KCNK10: variants seen among roughly 807,000 people sequenced by gnomAD.
KCNK10 encodes the protein potassium two pore domain channel subfamily K member 10, also known as potassium channel subfamily K member 10.
In KCNK10, 25 loss-of-function variants were observed where a neutral mutation model predicts 47.7. That is an observed-to-expected ratio of 0.52 (90% CI 0.38 to 0.73). KCNK10 has a LOEUF of 0.73. Among genes scored for constraint, KCNK10 ranks in the 30% least tolerant of loss-of-function variants. The pLI is 0.00. For missense variants in KCNK10, 563 were observed against 714.5 expected (o/e 0.79, Z 2.42); for synonymous variants, 303 against 285.6 (o/e 1.06, Z -0.61).
At chr14:88,244,655 G>A (rs113796787) in intron 2 of KCNK10, among the ~76,000 whole-genome samples, 172 of 152,064 alleles carry the variant, frequency 1.1e-3, no homozygotes, top group Non-Finnish European at 1.7e-3. Flanking sequence ...GCAACAGAGT[G>A]AGACTCTGTC....
chr14:88,256,952 T>A (rs372363195), intron 2 of KCNK10, among the ~76,000 whole-genome samples: 12 of 152,280 alleles, frequency 7.9e-5, no homozygotes, highest in African/African-American at 2.4e-4. Context: ...ACATGATATT[T>A]GCCCAATTCA....
intron 4 of KCNK10, among the ~76,000 whole-genome samples, chr14:88,197,983 G>A (rs887887351): frequency 2.0e-5 from 3 of 152,184 alleles, no homozygotes; most frequent in African/African-American, 7.2e-5. Flanking sequence ...AGGTCTTTGT[G>A]GCACTGTCCA....
At position 88,263,312 on chromosome 14, in the gene KCNK10, A is replaced by C; in HGVS notation, c.292T>G (p.Leu98Val). The C allele has an allele frequency of 3.1e-6, 5 of 1,614,070 alleles. No individual in the cohort carries two copies. The highest frequency in any genetic ancestry group is 4.2e-6 in the Non-Finnish European group (5 of 1,180,030). Residue 98 changes from leucine to valine, a missense_variant, in exon 2 of 7, where the codon TTG (leucine) becomes GTG (valine). Transcript: ENST00000319231. Reference sequence around the variant, plus strand: ...TGGCTGCTCTCAAAGGGCTGCTCCAATGCCCGGAAGACAAGACCGCCAGTG... The same window carrying C: ...TGGCTGCTCTCAAAGGGCTGCTCCACTGCCCGGAAGACAAGACCGCCAGTG... ...LVTGGLVFRA[L>V]EQPFESSQKN...
intron 4 of KCNK10, among the ~76,000 whole-genome samples, chr14:88,213,452 A>C (rs1595084031): frequency 6.6e-6 from 1 of 152,302 alleles, no homozygotes; most frequent in East Asian, 1.9e-4. Flanking sequence ...TGATTTTATA[A>C]TACTAGTAAA....
intron 1 of KCNK10, among the ~76,000 whole-genome samples, chr14:88,279,373 GTGTGTGTGTGTGT>G (rs1887597023): frequency 7.4e-6 from 1 of 135,540 alleles, no homozygotes; most frequent in South Asian, 2.6e-4. Flanking sequence ...ACGTGTGTGT[GTGTGTGTGTGTGT>G]GTGTGTGTGT....
At chr14:88,267,515 C>G (rs1302872273) in intron 1 of KCNK10, among the ~76,000 whole-genome samples, 3 of 151,884 alleles carry the variant, frequency 2.0e-5, no homozygotes, top group Non-Finnish European at 2.9e-5. Context: ...GGACTACAGG[C>G]GTGCACCACC....
At chr14:88,293,289 A>G (rs1159491631) in intron 1 of KCNK10, among the ~76,000 whole-genome samples, 1 of 152,198 alleles carries the variant, frequency 6.6e-6, no homozygotes, top group Non-Finnish European at 1.5e-5. Flanking sequence ...TCTAAATTCC[A>G]GACTCCTGTC....
intron 1 of KCNK10, among the ~76,000 whole-genome samples, chr14:88,267,275 A>G (rs1887286117): frequency 6.6e-6 from 1 of 152,252 alleles, no homozygotes; most frequent in African/African-American, 2.4e-5. Flanking sequence ...TTCACTAAAA[A>G]GGGACTTGGT....
rs375562415 is a variant in KCNK10 at position 88,217,332 on chromosome 14, T to C, written c.681+10043A>G. Among the ~76,000 whole-genome samples the C allele has an allele frequency of 2.3e-4, 35 of 152,314 alleles. No homozygotes were observed. The South Asian group carries it at 7.0e-3, about 31-fold the overall frequency. ...TGATATTGTGTCTTTTCTACACTAC[T>C]GAAAGGCAGCCATTTCTTAAACTAA... On this transcript the variant is annotated intron_variant, in intron 4 of 6. Coordinates refer to ENST00000319231, the MANE Select transcript of KCNK10 (RefSeq NM_138317.3).
chr14:88,248,745 CA>C (rs112773415), intron 2 of KCNK10, among the ~76,000 whole-genome samples: 12,016 of 136,892 alleles, frequency 0.088, 1,119 homozygotes, highest in African/African-American at 0.25. Context: ...GATTCTGTGC[CA>C]AAAAAAAAAA....
chr14:88,310,247 TATGCATTTATC>T (rs1888299278), intron 1 of KCNK10, among the ~76,000 whole-genome samples: 1 of 16,182 alleles, frequency 6.2e-5, no homozygotes, highest in Admixed American at 8.2e-4. Flanking sequence ...ATATAAATGA[TATGCATTTATC>T]ATGGTATATC....
intron 1 of KCNK10, among the ~76,000 whole-genome samples, chr14:88,281,518 T>C (rs1170425157): frequency 6.6e-6 from 1 of 152,092 alleles, no homozygotes; most frequent in Non-Finnish European, 1.5e-5. Context: ...GAGAGAATTC[T>C]TCCTGCCTTT....
intron 4 of KCNK10, among the ~76,000 whole-genome samples, chr14:88,195,832 C>T (rs1031301625): frequency 3.3e-5 from 5 of 152,212 alleles, no homozygotes; most frequent in African/African-American, 1.2e-4. Context: ...ACAAACCTCA[C>T]TCTCCCTGCC....
Position 88,181,450 on chromosome 14 carries a change from G to T in KCNK10, c.*4085C>A, listed in dbSNP as rs980040591. ...TGTGTGTGTGTGTGTGAGAGAGAGA[G>T]AGATGTCTGTCTGATCATAGTACTT... On this transcript the variant is annotated 3_prime_UTR_variant, in exon 7 of 7. Coordinates refer to ENST00000319231, the MANE Select transcript of KCNK10 (RefSeq NM_138317.3). 1 of 152,042 alleles carries T rather than the reference G, an allele frequency of 6.6e-6. No homozygotes were observed. The highest frequency in any genetic ancestry group is 1.5e-5 in the Non-Finnish European group (1 of 68,118). 9.4% of individuals were successfully genotyped at this position (152,042 alleles called of 1,614,324 possible).
intron 1 of KCNK10, among the ~76,000 whole-genome samples, chr14:88,317,608 G>A (rs1009194676): frequency 6.6e-6 from 1 of 152,232 alleles, no homozygotes; most frequent in African/African-American, 2.4e-5. Context: ...TGTCATGGAC[G>A]TAAGCATCAA....
intron 4 of KCNK10, among the ~76,000 whole-genome samples, chr14:88,207,489 A>G (rs1354026260): frequency 2.0e-5 from 3 of 152,088 alleles, no homozygotes; most frequent in Non-Finnish European, 4.4e-5. Context: ...CACTCTGTTT[A>G]TCTTTTTTTA....
intron 3 of KCNK10, among the ~76,000 whole-genome samples, chr14:88,227,765 T>C (rs1886034129): frequency 6.6e-6 from 1 of 152,210 alleles, no homozygotes; most frequent in South Asian, 2.1e-4. Flanking sequence ...TTTTAGGAAA[T>C]TCATGGTCAC....
chr14:88,284,280 C>G (rs1383658485), intron 1 of KCNK10, among the ~76,000 whole-genome samples: 2 of 152,134 alleles, frequency 1.3e-5, no homozygotes, highest in Admixed American at 6.5e-5. Flanking sequence ...GAGCATGCAC[C>G]TGGGGACTGG....
intron 3 of KCNK10, among the ~76,000 whole-genome samples, chr14:88,231,814 C>T (rs943789803): frequency 6.6e-6 from 1 of 152,166 alleles, no homozygotes; most frequent in African/African-American, 2.4e-5. Context: ...GTAAATCTTT[C>T]CATATATCTC....
Sources: gnomAD v4.1 joint callset for allele counts (sites outside exome capture counted in the v4.1 genomes callset) on GRCh38, gnomAD v4.1.1 for gene constraint, MANE v1.5 for transcripts, NCBI Gene and HGNC (gene_info 2026-07-23, HGNC 2026-07-21) for gene names.